SH3YL1: variants seen among roughly 807,000 people sequenced by gnomAD.
SH3YL1 encodes SH3 domain-containing YSC84-like protein 1.
Under a neutral mutation model 45.8 loss-of-function variants are expected in SH3YL1, and 41 were observed. The observed-to-expected ratio is 0.89, with a 90% CI of 0.70 to 1.16. The LOEUF (loss-of-function observed/expected upper bound fraction) is 1.16. Among genes scored for constraint, SH3YL1 ranks in the 50% most tolerant of loss-of-function variants. SH3YL1 has a pLI of 0.00. For synonymous variants in SH3YL1, 152 were observed against 151.4 expected, an observed-to-expected ratio of 1.00 and a Z score of -0.03; for missense variants, 389 against 409.6, an observed-to-expected ratio of 0.95 and a Z score of 0.43.
chr2:264,124 G>A (rs772036897), upstream of SH3YL1: 152 of 1,238,480 alleles, frequency 1.2e-4, no homozygotes, highest in Non-Finnish European at 1.5e-4. Context: ...AACACCCGCC[G>A]TGTACGTTTC....
intron 9 of SH3YL1, among the ~76,000 whole-genome samples, chr2:219,358 G>C (rs2103013759): frequency 6.6e-6 from 1 of 152,272 alleles, no homozygotes; most frequent in East Asian, 1.9e-4. Flanking sequence ...GATGGTGTTA[G>C]AAGTGGGGTC....
rs115118599 is a variant in SH3YL1, at chr2:245,613, G to A, written c.291+1925C>T. 8.2e-3 allele frequency among the ~76,000 whole-genome samples: 1,249 copies of A among 152,212 alleles called. 4 individuals are homozygous for A. The highest frequency in any genetic ancestry group is 0.013 in the Non-Finnish European group (872 of 68,018). On this transcript the variant is annotated intron_variant, in intron 4 of 9. Transcript: ENST00000356150. ...AGCTACTTCCTAACATCACAGACTG[G>A]AAGCACCCAGGTCAGAATTGGAGCC...
intron 4 of SH3YL1, among the ~76,000 whole-genome samples, chr2:246,023 C>T (rs1668785984): frequency 6.6e-6 from 1 of 151,886 alleles, no homozygotes; most frequent in Admixed American, 6.6e-5. Context: ...TGGTGAAACC[C>T]CATCTCTACT....
intron 8 of SH3YL1, among the ~76,000 whole-genome samples, chr2:227,459 T>C (rs1298979068): frequency 6.6e-6 from 1 of 152,116 alleles, no homozygotes; most frequent in Non-Finnish European, 1.5e-5. Context: ...ACTATATACA[T>C]TTGTGCCATG....
At chr2:246,939 T>C (rs995861635) in intron 4 of SH3YL1, among the ~76,000 whole-genome samples, 5 of 152,178 alleles carry the variant, frequency 3.3e-5, no homozygotes, top group Admixed American at 1.3e-4. Context: ...GAGTTGAGCA[T>C]ACCAGGAGAT....
At chr2:248,018 A>AT (rs1475004192) in intron 3 of SH3YL1, among the ~76,000 whole-genome samples, 1 of 152,232 alleles carries the variant, frequency 6.6e-6, no homozygotes, top group African/African-American at 2.4e-5. Context: ...GAGAGAGTTG[A>AT]TTATCTAACG....
chr2:222,336 T>C (rs3791223), intron 9 of SH3YL1: 44,642 of 152,126 alleles, frequency 0.29, 6,989 homozygotes, highest in Non-Finnish European at 0.35. Context: ...CACTTTCTCA[T>C]GGAGCCTGCA....
upstream of SH3YL1, chr2:264,725 G>A (rs931185632): frequency 3.8e-5 from 18 of 477,032 alleles, no homozygotes; most frequent in African/African-American, 3.6e-4. Context: ...CCCTGCAGGT[G>A]AACGGCGGCC....
chr2:262,794 G>A, intron 1 of SH3YL1: 2 of 962,910 alleles, frequency 2.1e-6, no homozygotes, highest in Non-Finnish European at 1.4e-6. Context: ...TTCCTAAACA[G>A]AACAAAAGTA....
At chr2:232,228 C>G (rs865838470) in intron 6 of SH3YL1, among the ~76,000 whole-genome samples, 3 of 151,706 alleles carry the variant, frequency 2.0e-5, no homozygotes, top group Non-Finnish European at 2.9e-5. Context: ...TTTTAGGATA[C>G]TTCCAGATTC....
intron 9 of SH3YL1, chr2:222,670 T>C (rs1034807420): frequency 2.0e-5 from 3 of 152,112 alleles, no homozygotes; most frequent in Non-Finnish European, 2.9e-5. Flanking sequence ...TTGCAAGCCT[T>C]GTCTCTCTCA....
upstream of SH3YL1, chr2:264,814 G>C (rs557935748): frequency 3.4e-6 from 3 of 875,976 alleles, no homozygotes; most frequent in South Asian, 3.6e-5. Context: ...GCGCACTGGA[G>C]CCGATTGCGC....
intron 4 of SH3YL1, chr2:244,810 C>T (rs755501269): frequency 1.3e-5 from 2 of 152,118 alleles, no homozygotes; most frequent in Non-Finnish European, 2.9e-5. Context: ...GAGGGCTGGT[C>T]CTTACTATTT....
chr2:258,622 T>A (rs961295682), intron 1 of SH3YL1, among the ~76,000 whole-genome samples: 1 of 152,206 alleles, frequency 6.6e-6, no homozygotes, highest in African/African-American at 2.4e-5. Flanking sequence ...GTAGATCAGC[T>A]TGATCACTTG....
chr2:264,769 C>T (rs907030960), upstream of SH3YL1: 20 of 575,844 alleles, frequency 3.5e-5, no homozygotes, highest in African/African-American at 2.4e-4. Context: ...ACCCTCCCCG[C>T]CCGTCCTACT....
chr2:245,903 T>C (rs1668778380), intron 4 of SH3YL1, among the ~76,000 whole-genome samples: 4 of 152,060 alleles, frequency 2.6e-5, no homozygotes, highest in Admixed American at 6.6e-5. Context: ...TAATACTGTG[T>C]ATCAGTCTAA....
At chr2:259,027 T>C (rs1669476979) in intron 1 of SH3YL1, among the ~76,000 whole-genome samples, 1 of 152,220 alleles carries the variant, frequency 6.6e-6, no homozygotes, top group Non-Finnish European at 1.5e-5. Flanking sequence ...AGCAGGAGCC[T>C]GGGCTCTGGG....
chr2:221,032 T>TCAGGCACGTGG (rs11268733), intron 9 of SH3YL1, among the ~76,000 whole-genome samples: 93,023 of 151,556 alleles, frequency 0.61, 29,620 homozygotes, highest in East Asian at 0.83. Context: ...CGCGAACTGC[T>TCAGGCACGTGG]CAGGCACACA....
At chr2:244,963 G>A (rs377065621) in intron 4 of SH3YL1, among the ~76,000 whole-genome samples, 11 of 152,036 alleles carry the variant, frequency 7.2e-5, no homozygotes, top group Admixed American at 4.6e-4. Context: ...CAGCCCCTCC[G>A]TGGTCTCAGT....
Sources: gnomAD v4.1 joint callset for allele counts (sites outside exome capture counted in the v4.1 genomes callset) on GRCh38, gnomAD v4.1.1 for gene constraint, MANE v1.5 for transcripts, NCBI Gene and HGNC (gene_info 2026-07-23, HGNC 2026-07-21) for gene names.